Variants in ITGB8 observed in about 807,000 individuals in gnomAD.
ITGB8 encodes the protein integrin subunit beta 8.
In ITGB8, 30 loss-of-function variants were observed where a neutral mutation model predicts 89.5. The observed-to-expected ratio is 0.34, with a 90% CI of 0.25 to 0.45. The LOEUF (loss-of-function observed/expected upper bound fraction) is 0.45, where lower values mean the gene tolerates loss of function less well. Ranked by LOEUF, ITGB8 falls within the 20% of genes least tolerant of loss-of-function variation. The pLI is 1.00. For missense variants in ITGB8, 836 were observed against 933.3 expected (o/e 0.90, Z 1.36); for synonymous variants, 335 against 320.4 (o/e 1.05, Z -0.49).
chr7:20,386,131 A>G (rs969405044), intron 6 of ITGB8, among the ~76,000 whole-genome samples: 2 of 152,228 alleles, frequency 1.3e-5, no homozygotes, highest in African/African-American at 4.8e-5. Context: ...TTTTAAGTCC[A>G]TGTGCAGCTT....
In ITGB8 at chr7:20,411,669, A is replaced by G. The variant is rs765300655; in HGVS notation, c.*1672A>G. 2.6e-5 allele frequency: 4 copies of G among 152,666 alleles called. No individual in the cohort carries two copies. Among genetic ancestry groups the G allele is most frequent in the Non-Finnish European group, 4.4e-5 (3 of 68,044 alleles). The allele number at this position is 152,666 out of a possible 1,614,324, so 9.5% of individuals were successfully genotyped here. The stretch of plus-strand genomic sequence containing the variant: ...TTCAATGTGATTTACTCATGTCTTA[A>G]GTGTATGAGGAAAGTTCAAAGCAAA... On this transcript the variant is annotated 3_prime_UTR_variant, in exon 14 of 14. Transcript: ENST00000222573.
intron 8 of ITGB8, among the ~76,000 whole-genome samples, chr7:20,397,485 C>A (rs1412293834): frequency 6.6e-6 from 1 of 152,108 alleles, no homozygotes; most frequent in Non-Finnish European, 1.5e-5. Flanking sequence ...CTCAGCCTCC[C>A]AAAGAGCTGG....
At chr7:20,389,823 A>T (rs1003039178) in intron 6 of ITGB8, among the ~76,000 whole-genome samples, 10 of 124,466 alleles carry the variant, frequency 8.0e-5, no homozygotes, top group African/African-American at 2.6e-4. Context: ...AGCTGGCAGA[A>T]TTTGTGTTTT....
intron 6 of ITGB8, among the ~76,000 whole-genome samples, chr7:20,384,822 A>G (rs1786538880): frequency 6.6e-6 from 1 of 152,240 alleles, no homozygotes; most frequent in African/African-American, 2.4e-5. Flanking sequence ...CATATAAAAT[A>G]ATTTATATTT....
Position 20,331,534 on chromosome 7 carries a change from C to T in ITGB8, c.-273C>T, listed in dbSNP as rs1784392510. On this transcript the variant is annotated 5_prime_UTR_variant, in exon 1 of 14. Transcript: ENST00000222573. ...TGCAGAGCCCTCTCTCCAGTCGCCG[C>T]CGGGGCCCTTGGCCGTCGAAGGAGG... The T allele has an allele frequency of 4.5e-6, 2 of 443,058 alleles. No individual in the cohort carries two copies. The highest frequency in any genetic ancestry group is 7.1e-5 in the East Asian group (2 of 28,262). 27.4% of individuals were successfully genotyped at this position (443,058 alleles called of 1,614,324 possible).
intron 6 of ITGB8, among the ~76,000 whole-genome samples, chr7:20,385,895 C>G (rs1278930020): frequency 6.6e-6 from 1 of 152,154 alleles, no homozygotes; most frequent in Non-Finnish European, 1.5e-5. Flanking sequence ...ACATTTATAA[C>G]TAATGTTGAG....
Position 20,339,113 on chromosome 7 carries a change from A to G in ITGB8, c.127+7180A>G, listed in dbSNP as rs538018249. ...AGGCTGGGGCAAGAGAATCATTTGA[A>G]CCCATGAGATGGAGGTTGCAGTGAG... On this transcript the variant is annotated intron_variant, in intron 1 of 13. Transcript: ENST00000222573. 5.3e-5 allele frequency among the ~76,000 whole-genome samples: 8 copies of G among 150,796 alleles called. No individual in the cohort carries two copies. The East Asian group carries it at 1.6e-3, about 30-fold the overall frequency.
At position 20,414,147 on chromosome 7, in the gene ITGB8, A is replaced by T. The variant is rs1426344220; in HGVS notation, c.*4150A>T. ...ATTATGCTTGAATAAATATTACACT[A>T]ATCCAACTTTACCTAAATGTTTATG... is the stretch of plus-strand genomic sequence containing the variant. On this transcript the variant is annotated 3_prime_UTR_variant, in exon 14 of 14. Coordinates refer to ENST00000222573, the MANE Select transcript of ITGB8 (RefSeq NM_002214.3). 6.6e-6 allele frequency: 1 copy of T among 152,132 alleles called. No individual in the cohort carries two copies. The highest frequency in any genetic ancestry group is 1.9e-4 in the East Asian group (1 of 5,200). The allele number at this position is 152,132 out of a possible 1,614,324, so 9.4% of individuals were successfully genotyped here.
chr7:20,401,128 G>A (rs534227038), intron 9 of ITGB8, among the ~76,000 whole-genome samples: 34 of 152,104 alleles, frequency 2.2e-4, no homozygotes, highest in Non-Finnish European at 3.4e-4. Context: ...ACAGGTGCGC[G>A]CCACCATGCT....
chr7:20,360,546 A>G (rs542186990), intron 1 of ITGB8, among the ~76,000 whole-genome samples: 2 of 151,958 alleles, frequency 1.3e-5, no homozygotes, highest in African/African-American at 4.8e-5. Context: ...ACCATTTTGT[A>G]TGTCTTTGGG....
At chr7:20,380,192 TAATG>T (rs945233833) in intron 4 of ITGB8, 3 of 157,050 alleles carry the variant, frequency 1.9e-5, no homozygotes, top group African/African-American at 7.2e-5. Flanking sequence ...AAAATAATTT[TAATG>T]AATATTGATT....
rs993855222 is a variant in ITGB8, at chr7:20,367,180, C to T, written c.382C>T (p.Arg128Cys). 1.1e-5 allele frequency: 18 copies of T among 1,601,852 alleles called. No individual in the cohort carries two copies. The highest frequency in any genetic ancestry group is 1.7e-5 in the Admixed American group (1 of 57,642). Reference protein sequence around the residue: ...VTPGEVSIQLRPGAEANFMLK... With the variant: ...VTPGEVSIQLCPGAEANFMLK... ...ACCAGGAGAAGTGTCTATCCAGCTG[C>T]GTCCAGGTTTGGTCATTTTCAAATA... Residue 128 changes from arginine (R) to cysteine (C), a missense_variant, in exon 3 of 14, where the codon CGT becomes TGT. Physicochemically the swap from Arg to Cys is radical, Grantham distance 180 (BLOSUM62 -3). Coordinates refer to ENST00000222573, the MANE Select transcript of ITGB8 (RefSeq NM_002214.3).
At chr7:20,344,182 G>A (rs1784849318) in intron 1 of ITGB8, among the ~76,000 whole-genome samples, 1 of 151,834 alleles carries the variant, frequency 6.6e-6, no homozygotes, top group African/African-American at 2.4e-5. Flanking sequence ...GGCCATTAGT[G>A]CTGTAGAGCT....
At position 20,409,681 on chromosome 7, in the gene ITGB8, G is replaced by A; in HGVS notation, c.2090G>A (p.Gly697Glu). The stretch of plus-strand genomic sequence containing the variant: ...ATTTTCATAGTTACATTCTTGATTG[G>A]GTTGCTTAAAGTCCTGATCATTAGA... ...FIIFIVTFLI[G>E]LLKVLIIRQV... The change falls in exon 13 of 14, where the codon GGG becomes GAG. Residue 697 changes from glycine (G) to glutamate (E), a missense_variant. This residue lies in a region of ITGB8 where 422 missense variants were observed against 416.9 expected (regional missense o/e 1.01). Transcript: ENST00000222573. The A allele has an allele frequency of 6.2e-7, 1 of 1,610,670 alleles. No individual in the cohort carries two copies. The highest frequency in any genetic ancestry group is 8.5e-7 in the Non-Finnish European group (1 of 1,177,876).
intron 6 of ITGB8, among the ~76,000 whole-genome samples, chr7:20,385,824 T>TAA (rs2127966925): frequency 6.6e-6 from 1 of 152,328 alleles, no homozygotes; most frequent in South Asian, 2.1e-4. Flanking sequence ...CAAACGTTCA[T>TAA]AACACTATTA....
chr7:20,360,452 A>G (rs1360439703), intron 1 of ITGB8, among the ~76,000 whole-genome samples: 3 of 128,672 alleles, frequency 2.3e-5, no homozygotes, highest in Non-Finnish European at 5.3e-5. Flanking sequence ...TCTATCAGCC[A>G]AATTGTGTAC....
chr7:20,390,732 A>G (rs889948996), intron 6 of ITGB8, among the ~76,000 whole-genome samples: 2 of 152,108 alleles, frequency 1.3e-5, no homozygotes, highest in Non-Finnish European at 2.9e-5. Context: ...AATAGTTCAC[A>G]TACTATTATT....
At chr7:20,393,311 T>C (rs1433151036) in intron 7 of ITGB8, among the ~76,000 whole-genome samples, 1 of 152,254 alleles carries the variant, frequency 6.6e-6, no homozygotes, top group Admixed American at 6.5e-5. Flanking sequence ...AACTAAATTA[T>C]GCACAAAGTC....
At chr7:20,360,234 C>A (rs1316600610) in intron 1 of ITGB8, among the ~76,000 whole-genome samples, 1 of 152,008 alleles carries the variant, frequency 6.6e-6, no homozygotes, top group African/African-American at 2.4e-5. Context: ...GGAGCCTTAT[C>A]TGAGCTTGAA....
Sources: gnomAD v4.1 joint callset for allele counts (sites outside exome capture counted in the v4.1 genomes callset) on GRCh38, gnomAD v4.1.1 for gene constraint, gnomAD v4.1.1 regional missense constraint, MANE v1.5 for transcripts, NCBI Gene and HGNC (gene_info 2026-07-23, HGNC 2026-07-21) for gene names.